PARD3B: variants seen among roughly 807,000 people sequenced by gnomAD.
PARD3B encodes the protein par-3 family cell polarity regulator beta, also known as partitioning defective 3 homolog B.
A neutral mutation model predicts 130.2 loss-of-function variants in PARD3B; 103 were observed. The ratio of observed to expected loss-of-function variants is 0.79; its 90% confidence interval spans 0.67 to 0.93. The LOEUF is 0.93. PARD3B is among the 40% of genes least tolerant of loss of function. The pLI, the probability that PARD3B is intolerant of heterozygous loss-of-function variation, is 0.00. For missense variants in PARD3B, 1,609 were observed against 1,499.2 expected, an observed-to-expected ratio of 1.07 and a Z score of -1.21; for synonymous variants, 583 against 553.2, an observed-to-expected ratio of 1.05 and a Z score of -0.76.
chr2:204,735,882 A>G (rs2039724949), intron 2 of PARD3B, among the ~76,000 whole-genome samples: 1 of 152,202 alleles, frequency 6.6e-6, no homozygotes, highest in African/African-American at 2.4e-5. Context: ...AACAGAATAT[A>G]AATTATTAAA....
intron 21 of PARD3B, among the ~76,000 whole-genome samples, chr2:205,524,942 T>C (rs1260695298): frequency 2.0e-5 from 3 of 152,220 alleles, no homozygotes; most frequent in African/African-American, 7.2e-5. Flanking sequence ...AGCCAGAATC[T>C]GGGAGATCAG....
chr2:205,522,234 T>TTGAACTTAGTTTAGGTATACTTCTGG (rs1173147672), intron 21 of PARD3B, among the ~76,000 whole-genome samples: 2 of 151,906 alleles, frequency 1.3e-5, no homozygotes, highest in Non-Finnish European at 2.9e-5. Context: ...AATTTTGCTT[T>TTGAACTTAGTTTAGGTATACTTCTGG]TGAACTTAGT....
intron 1 of PARD3B, among the ~76,000 whole-genome samples, chr2:204,582,264 C>T (rs888901799): frequency 6.6e-5 from 10 of 152,182 alleles, no homozygotes; most frequent in African/African-American, 2.2e-4. Context: ...AAATTCATGT[C>T]TACCTAGTTA....
rs1026741195 is a variant in PARD3B at position 205,253,883 on chromosome 2, T to C, written c.2185+8061T>C. On this transcript the variant is annotated intron_variant, in intron 16 of 22. Transcript: ENST00000406610. The surrounding 1 kb of genome is among the most constrained non-coding windows in gnomAD (Gnocchi z 4.4). Reference sequence around the variant, plus strand: ...GTAGAATTCATAGTGGAGAACTGCATTTCAATTAAGAAAACAAAAACAAAA... The same window carrying C: ...GTAGAATTCATAGTGGAGAACTGCACTTCAATTAAGAAAACAAAAACAAAA... Among the ~76,000 whole-genome samples the C allele has an allele frequency of 7.2e-5, 11 of 152,168 alleles. No homozygotes were observed. In the South Asian group the frequency reaches 2.3e-3, roughly 32 times the overall value.
intron 2 of PARD3B, among the ~76,000 whole-genome samples, chr2:204,803,136 T>A (rs1229721913): frequency 8.7e-6 from 1 of 114,604 alleles, no homozygotes; most frequent in Non-Finnish European, 1.7e-5. Context: ...GTATTTAAAG[T>A]GCTGAAGGAA....
rs191484593 is a variant in PARD3B, at chr2:205,209,710, T to C, written c.2140+16390T>C. 6.4e-3 allele frequency among the ~76,000 whole-genome samples: 980 copies of C among 152,080 alleles called. 11 individuals carry two copies. The highest frequency in any genetic ancestry group is 0.01 in the Non-Finnish European group (684 of 67,944). On this transcript the variant is annotated intron_variant, in intron 15 of 22. Transcript: ENST00000406610. ...TGATAAAATTTGTTATTGGCAATACTTTATGAAGTGATTAAAGACACTGTA... is the reference window on the plus strand; with the variant it reads ...TGATAAAATTTGTTATTGGCAATACCTTATGAAGTGATTAAAGACACTGTA...
intron 1 of PARD3B, among the ~76,000 whole-genome samples, chr2:204,653,714 C>T (rs2035557300): frequency 6.7e-6 from 1 of 149,286 alleles, no homozygotes; most frequent in African/African-American, 2.5e-5. Context: ...TTGCTTGAAC[C>T]CAGGAGGCGG....
chr2:205,074,677 T>C (rs918771845), intron 4 of PARD3B, among the ~76,000 whole-genome samples: 6 of 152,158 alleles, frequency 3.9e-5, no homozygotes, highest in African/African-American at 1.4e-4. Context: ...TTCTCGATCA[T>C]TGTGCATCGC....
At chr2:204,853,148 A>G (rs1159833037) in intron 2 of PARD3B, among the ~76,000 whole-genome samples, 1 of 152,150 alleles carries the variant, frequency 6.6e-6, no homozygotes, top group East Asian at 1.9e-4. Flanking sequence ...GCATCTTATC[A>G]TTCATCAAAT....
chr2:205,118,512 A>G (rs576375762), intron 6 of PARD3B, among the ~76,000 whole-genome samples: 13 of 152,210 alleles, frequency 8.5e-5, no homozygotes, highest in Non-Finnish European at 1.6e-4. Flanking sequence ...TAAGACTGCA[A>G]AAATGTTACT....
chr2:205,263,862 T>C lies in PARD3B; in HGVS notation c.2185+18040T>C, dbSNP rs1294851788. On this transcript the variant is annotated intron_variant, in intron 16 of 22. Transcript: ENST00000406610. This position sits in a 1 kb window ranked among gnomAD's most constrained non-coding sequence, Gnocchi z 4.0. ...ATATAAAAGTTCCGAACCCAAGGAA[T>C]TGCCAAAATTTAAGGATAAGCAAAG... Among the ~76,000 whole-genome samples the C allele has an allele frequency of 1.3e-5, 2 of 151,258 alleles. No homozygotes were observed. Among genetic ancestry groups the C allele is most frequent in the South Asian group, 2.1e-4 (1 of 4,792 alleles).
chr2:204,589,880 A>G (rs1309668414), intron 1 of PARD3B, among the ~76,000 whole-genome samples: 1 of 152,152 alleles, frequency 6.6e-6, no homozygotes, highest in Non-Finnish European at 1.5e-5. Flanking sequence ...TTCAATACTT[A>G]AGACCAGGCC....
Position 205,558,785 on chromosome 2 carries a change from T to C in PARD3B, c.3260+5382T>C, listed in dbSNP as rs2053012693. 6.6e-6 allele frequency among the ~76,000 whole-genome samples: 1 copy of C among 151,018 alleles called. No individual in the cohort carries two copies. The highest frequency in any genetic ancestry group is 2.5e-5 in the African/African-American group (1 of 40,352). ...GTGACCCCGTTTGATATACTCCTCC[T>C]TCTGCCTCCAAGACGCCTCCAAGTC... On this transcript the variant is annotated intron_variant, in intron 22 of 22. Transcript: ENST00000406610. This position sits in a 1 kb window ranked among gnomAD's most constrained non-coding sequence, Gnocchi z 4.8.
intron 1 of PARD3B, among the ~76,000 whole-genome samples, chr2:204,560,787 A>G (rs2031257790): frequency 6.6e-6 from 1 of 151,976 alleles, no homozygotes; most frequent in Admixed American, 6.6e-5. Flanking sequence ...TTTTTTATTG[A>G]TTGCGCTAGA....
At chr2:204,605,631 G>A (rs990216841) in intron 1 of PARD3B, among the ~76,000 whole-genome samples, 1 of 152,102 alleles carries the variant, frequency 6.6e-6, no homozygotes, top group African/African-American at 2.4e-5. Context: ...ATGAACTCTA[G>A]AGTGAGACTC....
chr2:204,959,330 A>G (rs1690545999), intron 2 of PARD3B, among the ~76,000 whole-genome samples: 1 of 152,188 alleles, frequency 6.6e-6, no homozygotes, highest in Non-Finnish European at 1.5e-5. Flanking sequence ...ATGGCTGCAC[A>G]GTATTCCATT....
chr2:204,821,258 A>G (rs1173000385), intron 2 of PARD3B, among the ~76,000 whole-genome samples: 12 of 152,110 alleles, frequency 7.9e-5, no homozygotes, highest in Non-Finnish European at 1.3e-4. Flanking sequence ...GATAGTGAAT[A>G]AGTCCCAGGA....
At chr2:205,070,058 C>T (rs578109565) in intron 4 of PARD3B, among the ~76,000 whole-genome samples, 1 of 152,122 alleles carries the variant, frequency 6.6e-6, no homozygotes, top group African/African-American at 2.4e-5. Flanking sequence ...GGAACCTATA[C>T]CTTCTCTTCT....
rs1257806375 is a variant in PARD3B, at chr2:205,473,698, A to G, written c.3045-26198A>G. 6.6e-3 allele frequency among the ~76,000 whole-genome samples: 801 copies of G among 121,838 alleles called. 9 individuals are homozygous for G. The highest frequency in any genetic ancestry group is 0.03 in the African/African-American group (738 of 24,892). The allele number at this position is 121,838 out of a possible 152,430, so 79.9% of individuals were successfully genotyped here. A position where few individuals can be genotyped will look rare whatever the true frequency, so the allele number is the denominator to read the frequency against. On this transcript the variant is annotated intron_variant, in intron 20 of 22. Coordinates refer to ENST00000406610, the MANE Select transcript of PARD3B (RefSeq NM_001302769.2). This position sits in a 1 kb window ranked among gnomAD's most constrained non-coding sequence, Gnocchi z 4.9. The stretch of plus-strand genomic sequence containing the variant: ...TGTGTGTGTATGTATATATATATAT[A>G]TATATATATATACACACACACGTAT...
Sources: gnomAD v4.1 joint callset for allele counts (sites outside exome capture counted in the v4.1 genomes callset) on GRCh38, gnomAD v4.1.1 for gene constraint, Gnocchi (gnomAD v3.1) non-coding constraint, MANE v1.5 for transcripts, NCBI Gene and HGNC (gene_info 2026-07-23, HGNC 2026-07-21) for gene names.